The following ADAMTS3 variants were observed in gnomAD, a reference collection of about 807,000 sequenced individuals.
ADAMTS3 encodes ADAM metallopeptidase with thrombospondin type 1 motif 3.
Under a neutral mutation model 129.0 loss-of-function variants are expected in ADAMTS3, and 73 were observed. The ratio of observed to expected loss-of-function variants is 0.57; its 90% CI spans 0.47 to 0.69. ADAMTS3 has a LOEUF of 0.69. Ranked by LOEUF, ADAMTS3 falls within the 30% of genes least tolerant of loss-of-function variation. The probability of loss-of-function intolerance (pLI) is 0.00; values close to 1 mark genes in which losing one functional copy is unlikely to be tolerated. For synonymous variants in ADAMTS3, 477 were observed against 510.8 expected, an observed-to-expected ratio of 0.93 and a Z score of 0.89; for missense variants, 1,457 against 1,514.5, an observed-to-expected ratio of 0.96 and a Z score of 0.63.
chr4:72,316,644 A>T (rs1897812), intron 10 of ADAMTS3, among the ~76,000 whole-genome samples: 43 of 151,920 alleles, frequency 2.8e-4, no homozygotes, highest in Non-Finnish European at 5.2e-4. Context: ...GCCGAGATCA[A>T]GCCACTGTAC....
chr4:72,446,890 T>G (rs1214065831), intron 3 of ADAMTS3, among the ~76,000 whole-genome samples: 1 of 151,630 alleles, frequency 6.6e-6, no homozygotes, highest in African/African-American at 2.4e-5. Context: ...ACCTCCTCCC[T>G]CATCCTCCTT....
At chr4:72,534,477 G>T (rs1306412065) in intron 3 of ADAMTS3, among the ~76,000 whole-genome samples, 1 of 152,196 alleles carries the variant, frequency 6.6e-6, no homozygotes, top group African/African-American at 2.4e-5. Context: ...TGTTTCATAA[G>T]ACTGGACAAA....
At chr4:72,345,423 T>A (rs1038449210) in intron 4 of ADAMTS3, among the ~76,000 whole-genome samples, 7 of 152,182 alleles carry the variant, frequency 4.6e-5, no homozygotes, top group Non-Finnish European at 1.0e-4. Context: ...GACATCTTTT[T>A]AAAAAAATTT....
intron 3 of ADAMTS3, among the ~76,000 whole-genome samples, chr4:72,484,396 A>G (rs558756812): frequency 6.6e-6 from 1 of 152,310 alleles, no homozygotes; most frequent in Admixed American, 6.5e-5. Flanking sequence ...GATCCTGACC[A>G]TCTATGTCTT....
At chr4:72,456,260 C>T (rs1052281392) in intron 3 of ADAMTS3, among the ~76,000 whole-genome samples, 549 of 50,440 alleles carry the variant, frequency 0.011, no homozygotes, top group Non-Finnish European at 0.015. Flanking sequence ...AGTATATATA[C>T]TGTATATACT....
At chr4:72,422,710 T>C (rs1722477328) in intron 3 of ADAMTS3, among the ~76,000 whole-genome samples, 1 of 152,180 alleles carries the variant, frequency 6.6e-6, no homozygotes, top group South Asian at 2.1e-4. Flanking sequence ...CCTTACTCAC[T>C]AGGAGGGGTC....
chr4:72,438,207 C>T (rs904841950), intron 3 of ADAMTS3, among the ~76,000 whole-genome samples: 1 of 151,560 alleles, frequency 6.6e-6, no homozygotes, highest in Non-Finnish European at 1.5e-5. Flanking sequence ...CTGAAAGATC[C>T]ATTGAGTTAT....
chr4:72,487,115 A>G (rs1719611182), intron 3 of ADAMTS3, among the ~76,000 whole-genome samples: 1 of 152,136 alleles, frequency 6.6e-6, no homozygotes, highest in Admixed American at 6.6e-5. Context: ...ACTGTATGCC[A>G]AAGGTTGTTG....
chr4:72,369,480 G>A (rs543102270), intron 4 of ADAMTS3, among the ~76,000 whole-genome samples: 22 of 152,270 alleles, frequency 1.4e-4, no homozygotes, highest in African/African-American at 5.3e-4. Context: ...AGAGGCCGAG[G>A]TGGGCAGATC....
At chr4:72,515,801 A>C (rs1377898396) in intron 3 of ADAMTS3, among the ~76,000 whole-genome samples, 2 of 151,648 alleles carry the variant, frequency 1.3e-5, no homozygotes, top group South Asian at 4.2e-4. Flanking sequence ...GTTCACTCTG[A>C]TGGTAGTTTC....
intron 11 of ADAMTS3, 101 bp from the exon 12 acceptor site, chr4:72,313,923 T>TTTTTCTTCCAGGTGGAGATGCATTTAAAA: frequency 7.4e-7 from 1 of 1,353,080 alleles, no homozygotes; most frequent in South Asian, 1.3e-5. Context: ...TTACTGCTCT[T>TTTTTCTTCCAGGTGGAGATGCATTTAAAA]TTTTCTTCCA....
intron 5 of ADAMTS3, among the ~76,000 whole-genome samples, chr4:72,336,658 A>G (rs544099661): frequency 1.1e-4 from 16 of 152,260 alleles, no homozygotes; most frequent in Non-Finnish European, 2.1e-4. Context: ...AAAACCTGAA[A>G]TTATCCAGTT....
chr4:72,516,235 T>C (rs1376351544), intron 3 of ADAMTS3, among the ~76,000 whole-genome samples: 2 of 152,200 alleles, frequency 1.3e-5, no homozygotes, highest in Non-Finnish European at 2.9e-5. Context: ...TTTTGGTTAC[T>C]GTGGCCTTGT....
chr4:72,472,157 G>A (rs1719089996), intron 3 of ADAMTS3, among the ~76,000 whole-genome samples: 1 of 152,088 alleles, frequency 6.6e-6, no homozygotes. Flanking sequence ...ACAAATAGGA[G>A]AAATAACGTT....
intron 21 of ADAMTS3, among the ~76,000 whole-genome samples, chr4:72,288,295 A>T (rs1210356092): frequency 6.6e-6 from 1 of 152,168 alleles, no homozygotes; most frequent in Admixed American, 6.5e-5. Flanking sequence ...GTTTGAAGTT[A>T]CTCTATGGAC....
chr4:72,418,928 A>ATTTTCT (rs1217910185), intron 3 of ADAMTS3, among the ~76,000 whole-genome samples: 3 of 151,980 alleles, frequency 2.0e-5, no homozygotes, highest in East Asian at 3.9e-4. Flanking sequence ...ATTTTGTTCA[A>ATTTTCT]TTTTCTTTTT....
chr4:72,433,029 A>G (rs1722735688), intron 3 of ADAMTS3, among the ~76,000 whole-genome samples: 1 of 151,996 alleles, frequency 6.6e-6, no homozygotes, highest in Non-Finnish European at 1.5e-5. Flanking sequence ...TACTCTGTTT[A>G]TAGGGCTGCC....
intron 3 of ADAMTS3, among the ~76,000 whole-genome samples, chr4:72,513,075 C>T (rs1030578456): frequency 3.3e-5 from 5 of 152,202 alleles, no homozygotes; most frequent in African/African-American, 1.2e-4. Flanking sequence ...TCCATGTCTT[C>T]CAAATTCCTG....
At chr4:72,510,088 C>A (rs1720273440) in intron 3 of ADAMTS3, among the ~76,000 whole-genome samples, 1 of 145,170 alleles carries the variant, frequency 6.9e-6, no homozygotes, top group South Asian at 2.2e-4. Flanking sequence ...AAAAAAAAAA[C>A]TCTCAAAAAG....
Sources: gnomAD v4.1 joint callset for allele counts (sites outside exome capture counted in the v4.1 genomes callset) on GRCh38, gnomAD v4.1.1 for gene constraint, MANE v1.5 for transcripts, NCBI Gene and HGNC (gene_info 2026-07-23, HGNC 2026-07-21) for gene names.